Variants in ABHD12B observed in about 807,000 individuals in gnomAD.
ABHD12B encodes protein ABHD12B.
In ABHD12B, 42 loss-of-function variants were observed where a neutral mutation model predicts 50.4. The ratio of observed to expected loss-of-function variants is 0.83; its 90% CI spans 0.65 to 1.08. The LOEUF is 1.08. ABHD12B is among the 50% of genes least tolerant of loss of function. The pLI is 0.00. For synonymous variants in ABHD12B, 167 were observed against 160.3 expected, an observed-to-expected ratio of 1.04 and a Z score of -0.32; for missense variants, 479 against 447.7, an observed-to-expected ratio of 1.07 and a Z score of -0.63.
intron 5 of ABHD12B, among the ~76,000 whole-genome samples, chr14:50,883,849 C>A (rs145153722): frequency 0.01 from 1,594 of 152,316 alleles, 34 homozygotes; most frequent in African/African-American, 0.036. Context: ...ATTAAATTTT[C>A]ATTCATTCAT....
At chr14:50,891,259 T>C (rs1288940543) in intron 9 of ABHD12B, 2 of 152,352 alleles carry the variant, frequency 1.3e-5, no homozygotes, top group African/African-American at 2.4e-5. Flanking sequence ...TCTTTTTTTT[T>C]TGAGGTAGAG....
intron 9 of ABHD12B, among the ~76,000 whole-genome samples, chr14:50,890,815 G>A (rs1380598620): frequency 4.6e-5 from 7 of 152,134 alleles, no homozygotes; most frequent in Non-Finnish European, 8.8e-5. Context: ...GAATTTCACC[G>A]GGGTATACCC....
chr14:50,899,008 C>T (rs576712304), intron 9 of ABHD12B, among the ~76,000 whole-genome samples: 3 of 152,264 alleles, frequency 2.0e-5, no homozygotes, highest in Admixed American at 2.0e-4. Context: ...GCCTGGCCAA[C>T]ATGGCGAGAC....
At position 50,872,148 on chromosome 14, in the gene ABHD12B, T is replaced by C. The variant is rs761077108; in HGVS notation, c.-27T>C. Reference sequence around the variant, plus strand: ...CTCCGGACTGCAGCTCCCGCGGCGGTGGCGGCGTATCGGGACACGGCGCGG... The same window carrying C: ...CTCCGGACTGCAGCTCCCGCGGCGGCGGCGGCGTATCGGGACACGGCGCGG... On this transcript the variant is annotated 5_prime_UTR_variant, in exon 1 of 13. Transcript: ENST00000337334. 9.4e-6 allele frequency: 12 copies of C among 1,271,682 alleles called. No individual in the cohort carries two copies. The highest frequency in any genetic ancestry group is 6.2e-5 in the African/African-American group (4 of 64,276). 78.8% of individuals were successfully genotyped at this position (1,271,682 alleles called of 1,614,324 possible). A position where few individuals can be genotyped will look rare whatever the true frequency, so the allele number is the denominator to read the frequency against.
rs1453250207 is a variant in ABHD12B, at chr14:50,872,087, G to A, written c.-88G>A. The A allele has an allele frequency of 9.8e-7, 1 of 1,017,170 alleles. No homozygotes were observed. Among genetic ancestry groups the A allele is most frequent in the Non-Finnish European group, 1.2e-6 (1 of 803,418 alleles). 63.0% of individuals were successfully genotyped at this position (1,017,170 alleles called of 1,614,324 possible). On this transcript the variant is annotated 5_prime_UTR_variant, in exon 1 of 13. Coordinates refer to ENST00000337334, the MANE Select transcript of ABHD12B (RefSeq NM_001206673.2). ...GACCGCGCGGAGGAGGAGGGCGGGC[G>A]CGGTGCCGCCGGGGCGGGAAGGTCG...
intron 1 of ABHD12B, among the ~76,000 whole-genome samples, chr14:50,877,012 C>T (rs1011646264): frequency 6.6e-6 from 1 of 152,160 alleles, no homozygotes; most frequent in African/African-American, 2.4e-5. Flanking sequence ...ACAGAGGTGT[C>T]CTTAGTGACC....
At position 50,880,865 on chromosome 14, in the gene ABHD12B, T is replaced by G. The variant is rs1393573468; in HGVS notation, c.455+294T>G. Among the ~76,000 whole-genome samples, 3 of 152,296 alleles carry G rather than the reference T, an allele frequency of 2.0e-5. No homozygotes were observed. The East Asian group carries it at 5.8e-4, about 29-fold the overall frequency. On this transcript the variant is annotated intron_variant, in intron 4 of 12. Coordinates refer to ENST00000337334, the MANE Select transcript of ABHD12B (RefSeq NM_001206673.2). ...TGCTCCCGAAGAGTGTCTGAAATGA[T>G]GGATTGAACCCATGAATGACAGGAA...
chr14:50,887,306 T>A (rs1032198184), intron 8 of ABHD12B, among the ~76,000 whole-genome samples: 3 of 150,756 alleles, frequency 2.0e-5, no homozygotes, highest in Admixed American at 2.0e-4. Flanking sequence ...TACACAGAAC[T>A]GGCTTTCTGC....
In ABHD12B at chr14:50,897,506, A is replaced by G. The variant is rs531288917; in HGVS notation, c.781-4323A>G. Among the ~76,000 whole-genome samples the G allele has an allele frequency of 2.0e-5, 3 of 152,308 alleles. No homozygotes were observed. The South Asian group carries it at 6.2e-4, about 32-fold the overall frequency. ...ATATTTGTATATCTTTGTTTTGATT[A>G]GTGTTTGCATGGTATAGGTTTTTCT... is the stretch of plus-strand genomic sequence containing the variant. On this transcript the variant is annotated intron_variant, in intron 9 of 12. Transcript: ENST00000337334.
At position 50,880,543 on chromosome 14, in the gene ABHD12B, G is replaced by A; in HGVS notation, c.427G>A (p.Val143Ile). 1 of 1,605,784 alleles carries A rather than the reference G, an allele frequency of 6.2e-7. No homozygotes were observed. Among genetic ancestry groups the A allele is most frequent in the Non-Finnish European group, 8.5e-7 (1 of 1,175,730 alleles). The change falls in exon 4 of 13, where the codon GTT becomes ATT. Residue 143 changes from valine to isoleucine, a missense_variant. Coordinates refer to ENST00000337334, the MANE Select transcript of ABHD12B (RefSeq NM_001206673.2). ...AALRDGNPII[V>I]YLHGSAEHRA... Reference sequence around the variant, plus strand: ...CCTTCGTGATGGGAACCCAATTATTGTTTATCTTCATGGCAGTGCAGAACA... The same window carrying A: ...CCTTCGTGATGGGAACCCAATTATTATTTATCTTCATGGCAGTGCAGAACA...
At chr14:50,875,607 A>C (rs549547148) in intron 1 of ABHD12B, among the ~76,000 whole-genome samples, 1 of 152,256 alleles carries the variant, frequency 6.6e-6, no homozygotes, top group African/African-American at 2.4e-5. Context: ...GTTAGCGGGG[A>C]TTGGGCTGAA....
chr14:50,903,742 C>T (rs919844538), intron 11 of ABHD12B, among the ~76,000 whole-genome samples: 1 of 152,128 alleles, frequency 6.6e-6, no homozygotes, highest in African/African-American at 2.4e-5. Flanking sequence ...ACCTCCATGT[C>T]GTCTCTACTG....
intron 9 of ABHD12B, among the ~76,000 whole-genome samples, chr14:50,894,063 C>T (rs551434569): frequency 2.9e-4 from 44 of 152,194 alleles, no homozygotes; most frequent in Admixed American, 1.2e-3. Context: ...TCACCCTTAG[C>T]GGCAAGTCCC....
At chr14:50,884,312 C>T (rs2050003166) in intron 5 of ABHD12B, among the ~76,000 whole-genome samples, 1 of 152,140 alleles carries the variant, frequency 6.6e-6, no homozygotes, top group South Asian at 2.1e-4. Context: ...ATGCATATTC[C>T]CATTTTCCTG....
chr14:50,889,613 G>A (rs2050090249), intron 9 of ABHD12B, among the ~76,000 whole-genome samples: 2 of 152,232 alleles, frequency 1.3e-5, no homozygotes, highest in Non-Finnish European at 2.9e-5. Context: ...ACTCCAGCCT[G>A]GCGACAGAGT....
At chr14:50,879,347 T>A (rs1232390428) in intron 3 of ABHD12B, among the ~76,000 whole-genome samples, 1 of 152,186 alleles carries the variant, frequency 6.6e-6, no homozygotes, top group Non-Finnish European at 1.5e-5. Flanking sequence ...ATGAAATAAA[T>A]GTTTGTGTGA....
rs749238205 is a variant in ABHD12B at position 50,904,713 on chromosome 14, C to A, written c.*347C>A. 1 of 356,800 alleles carries A rather than the reference C, an allele frequency of 2.8e-6. No homozygotes were observed. The highest frequency in any genetic ancestry group is 2.1e-5 in the African/African-American group (1 of 48,490). 22.1% of individuals were successfully genotyped at this position (356,800 alleles called of 1,614,324 possible). On this transcript the variant is annotated 3_prime_UTR_variant, in exon 13 of 13. Transcript: ENST00000337334. ...GGTCCGAATATCTGGGCCTGCCCCC[C>A]CAAATTATGCTGAAACCTAATCACC...
At chr14:50,892,346 C>A in intron 9 of ABHD12B, 2 of 909,260 alleles carry the variant, frequency 2.2e-6, no homozygotes, top group Non-Finnish European at 2.6e-6. Context: ...AGGGTAGTAG[C>A]ACTGGAAAGG....
intron 5 of ABHD12B, 81 bp from the exon 6 acceptor site, chr14:50,885,533 G>A: frequency 6.6e-7 from 1 of 1,514,366 alleles, no homozygotes; most frequent in Non-Finnish European, 9.2e-7. Flanking sequence ...CTTGTGATGT[G>A]ATATGGATGG....
Sources: allele counts gnomAD v4.1 joint callset (sites outside exome capture counted in the v4.1 genomes callset), GRCh38; gene constraint gnomAD v4.1.1; transcripts MANE v1.5; gene names NCBI Gene and HGNC (gene_info 2026-07-23, HGNC 2026-07-21).